The following ATG14 variants were observed in gnomAD, a reference collection of about 807,000 sequenced individuals.
ATG14 encodes the protein autophagy related 14.
ATG14 carries 35 observed loss-of-function variants against 60.4 expected under a neutral mutation model. The ratio of observed to expected loss-of-function variants is 0.58; its 90% CI spans 0.44 to 0.77. The LOEUF (loss-of-function observed/expected upper bound fraction) is 0.77. Among genes scored for constraint, ATG14 ranks in the 30% least tolerant of loss-of-function variants. ATG14 has a pLI of 0.00. For missense variants in ATG14, 647 were observed against 626.3 expected (o/e 1.03, Z -0.35); for synonymous variants, 234 against 228.8 (o/e 1.02, Z -0.21).
At chr14:55,388,062 G>A (rs1365947986) in intron 4 of ATG14, among the ~76,000 whole-genome samples, 4 of 151,992 alleles carry the variant, frequency 2.6e-5, no homozygotes, top group South Asian at 2.1e-4. Context: ...GCTTGAACCC[G>A]GGAGGTGAAG....
Position 55,368,734 on chromosome 14 carries a change from C to G in ATG14, c.*885G>C, listed in dbSNP as rs1884742213. On this transcript the variant is annotated 3_prime_UTR_variant, in exon 10 of 10. Coordinates refer to ENST00000247178, the MANE Select transcript of ATG14 (RefSeq NM_014924.5). The stretch of plus-strand genomic sequence containing the variant: ...ACAAGAATGACCAGAGGCCACTTAA[C>G]TAAGTGGCTTTTCCCCTGTGCCCAG... 1 of 152,210 alleles carries G rather than the reference C, an allele frequency of 6.6e-6. No homozygotes were observed. Among genetic ancestry groups the G allele is most frequent in the African/African-American group, 2.4e-5 (1 of 41,454 alleles). The allele number at this position is 152,210 out of a possible 1,614,324, so 9.4% of individuals were successfully genotyped here. A position where few individuals can be genotyped will look rare whatever the true frequency, so the allele number is the denominator to read the frequency against.
chr14:55,380,875 A>ATATATATTT (rs377330757), intron 6 of ATG14, among the ~76,000 whole-genome samples, 185 bp from the exon 7 acceptor site: 77 of 112,692 alleles, frequency 6.8e-4, no homozygotes, highest in African/African-American at 2.8e-3. Context: ...ATATATATAT[A>ATATATATTT]TTTTTTTTTT....
chr14:55,380,384 G>A (rs1885005363), intron 7 of ATG14, among the ~76,000 whole-genome samples, 189 bp downstream of exon 7: 1 of 152,054 alleles, frequency 6.6e-6, no homozygotes, highest in African/African-American at 2.4e-5. Flanking sequence ...AAGACTTCAC[G>A]TACAACTGTA....
At chr14:55,397,465 A>G in intron 1 of ATG14, 31 bp from the exon 2 acceptor site, 1 of 1,562,358 alleles carries the variant, frequency 6.4e-7, no homozygotes, top group Non-Finnish European at 8.8e-7. Flanking sequence ...GTCTTATTTA[A>G]ATGGTCATTT....
chr14:55,380,728 A>G (rs1328390041), intron 6 of ATG14, 38 bp from the exon 7 acceptor site: 2 of 1,387,130 alleles, frequency 1.4e-6, no homozygotes, highest in Admixed American at 3.9e-5. Flanking sequence ...CAAAACCTTA[A>G]TTCCAACAAA....
chr14:55,387,527 A>G (rs1885145358), intron 4 of ATG14, among the ~76,000 whole-genome samples: 1 of 152,114 alleles, frequency 6.6e-6, no homozygotes, highest in South Asian at 2.1e-4. Flanking sequence ...GGTTCCTCAG[A>G]TGAGGTCCCA....
chr14:55,378,497 AC>A (rs1274739432), intron 7 of ATG14, among the ~76,000 whole-genome samples: 1 of 152,094 alleles, frequency 6.6e-6, no homozygotes, highest in Non-Finnish European at 1.5e-5. Flanking sequence ...CAAGATTTGC[AC>A]CCCATCTTCC....
intron 9 of ATG14, among the ~76,000 whole-genome samples, chr14:55,371,532 C>T (rs902717403): frequency 1.1e-4 from 17 of 151,668 alleles, no homozygotes; most frequent in African/African-American, 2.9e-4. Context: ...TCAGGCCGGG[C>T]GCGGTGGCTC....
chr14:55,377,215 T>C (rs1470660643), intron 9 of ATG14, among the ~76,000 whole-genome samples: 1 of 152,088 alleles, frequency 6.6e-6, no homozygotes, highest in Non-Finnish European at 1.5e-5. Context: ...GGCATGGTGG[T>C]GCACACTTGT....
At chr14:55,388,986 C>T (rs17675052) in intron 4 of ATG14, among the ~76,000 whole-genome samples, 8,841 of 152,046 alleles carry the variant, frequency 0.058, 325 homozygotes, top group South Asian at 0.09. Flanking sequence ...ATTGCCATCA[C>T]GTTCAAGCAT....
intron 4 of ATG14, among the ~76,000 whole-genome samples, chr14:55,389,157 T>C (rs967566402): frequency 1.3e-5 from 2 of 152,206 alleles, no homozygotes; most frequent in Admixed American, 6.5e-5. Context: ...TTTTTGTTTT[T>C]GGGAGTTAGG....
chr14:55,383,567 AC>A (rs1360043794), intron 5 of ATG14, among the ~76,000 whole-genome samples: 2 of 151,796 alleles, frequency 1.3e-5, no homozygotes, highest in East Asian at 1.9e-4. Flanking sequence ...ACACAAAAAA[AC>A]AAAACAACAA....
At chr14:55,393,152 T>C (rs376904570) in intron 3 of ATG14, among the ~76,000 whole-genome samples, 55 of 152,130 alleles carry the variant, frequency 3.6e-4, no homozygotes, top group South Asian at 1.9e-3. Context: ...GAGGCCAAGG[T>C]GGGCGGATCA....
At chr14:55,408,281 T>C (rs1429405640) in intron 1 of ATG14, among the ~76,000 whole-genome samples, 1 of 152,006 alleles carries the variant, frequency 6.6e-6, no homozygotes, top group Non-Finnish European at 1.5e-5. Flanking sequence ...GGCAAAACCC[T>C]GTCTTTACAA....
At chr14:55,399,175 C>T (rs1007440098) in intron 1 of ATG14, among the ~76,000 whole-genome samples, 6 of 152,128 alleles carry the variant, frequency 3.9e-5, no homozygotes, top group African/African-American at 1.4e-4. Flanking sequence ...TTAATAGTCA[C>T]TGAAAATGCA....
intron 4 of ATG14, among the ~76,000 whole-genome samples, chr14:55,388,746 T>G (rs1885165547): frequency 6.6e-6 from 1 of 152,174 alleles, no homozygotes; most frequent in Non-Finnish European, 1.5e-5. Context: ...TAAAATTGTT[T>G]GCAAATTTTC....
intron 5 of ATG14, among the ~76,000 whole-genome samples, chr14:55,382,601 G>A (rs1316539582): frequency 6.6e-6 from 1 of 152,132 alleles, no homozygotes; most frequent in Admixed American, 6.6e-5. Flanking sequence ...ATGAGCTACC[G>A]TGACCAGCCA....
intron 1 of ATG14, among the ~76,000 whole-genome samples, chr14:55,400,914 AAAATAAAAT>A (rs1885387950): frequency 1.4e-5 from 1 of 70,936 alleles, no homozygotes; most frequent in Non-Finnish European, 3.8e-5. Context: ...ATAAATAAAT[AAAATAAAAT>A]AAAATAAAAT....
intron 1 of ATG14, among the ~76,000 whole-genome samples, chr14:55,408,331 TGTA>T (rs951060072): frequency 5.9e-5 from 9 of 152,122 alleles, no homozygotes; most frequent in Non-Finnish European, 1.0e-4. Context: ...GATGTGCGCC[TGTA>T]GTCCCAGATA....
Sources: allele counts gnomAD v4.1 joint callset (sites outside exome capture counted in the v4.1 genomes callset), GRCh38; gene constraint gnomAD v4.1.1; transcripts MANE v1.5; gene names NCBI Gene and HGNC (gene_info 2026-07-23, HGNC 2026-07-21).